Variants in RUFY3 observed in about 807,000 individuals in gnomAD.
The protein encoded by RUFY3 is RUN and FYVE domain containing 3, also known as protein RUFY3.
Under a neutral mutation model 84.0 loss-of-function variants are expected in RUFY3, and 34 were observed. The observed-to-expected ratio is 0.40, with a 90% CI of 0.31 to 0.54. The LOEUF (loss-of-function observed/expected upper bound fraction) is 0.54. RUFY3 is among the 20% of genes least tolerant of loss of function. The probability of loss-of-function intolerance (pLI) is 0.39; values close to 1 mark genes in which losing one functional copy is unlikely to be tolerated. For synonymous variants in RUFY3, 242 were observed against 252.9 expected (o/e 0.96, Z 0.41); for missense variants, 507 against 736.8 (o/e 0.69, Z 3.61).
At position 70,722,191 on chromosome 4, in the gene RUFY3, G is replaced by A. The variant is rs924448215; in HGVS notation, c.-383G>A. 3.3e-6 allele frequency: 4 copies of A among 1,229,858 alleles called. No homozygotes were observed. Among genetic ancestry groups the A allele is most frequent in the Non-Finnish European group, 4.1e-6 (4 of 987,382 alleles). The allele number at this position is 1,229,858 out of a possible 1,614,324, so 76.2% of individuals were successfully genotyped here. ...GGATTTTTCACTTACTCATATCGAG[G>A]CCAGATTTTTAAAGCCAGCTAAGGC... On this transcript the variant is annotated 5_prime_UTR_variant, in exon 1 of 18. Coordinates refer to ENST00000381006, the MANE Select transcript of RUFY3 (RefSeq NM_001037442.4).
chr4:70,721,293 CAAAA>C, upstream of RUFY3, among the ~76,000 whole-genome samples: 1 of 141,394 alleles, frequency 7.1e-6, no homozygotes, highest in African/African-American at 2.6e-5. Context: ...GACTCTGTCT[CAAAA>C]AAGAAAAAAG....
intron 14 of RUFY3, among the ~76,000 whole-genome samples, chr4:70,796,458 G>T (rs1416906982): frequency 6.6e-6 from 1 of 152,084 alleles, no homozygotes; most frequent in Non-Finnish European, 1.5e-5. Context: ...AATGCTTCAG[G>T]TTCTTGATCC....
intron 1 of RUFY3, among the ~76,000 whole-genome samples, chr4:70,727,836 T>C (rs970104231): frequency 6.6e-6 from 1 of 151,974 alleles, no homozygotes; most frequent in South Asian, 2.1e-4. Context: ...ATACATGTTA[T>C]GTATACGCAT....
intron 14 of RUFY3, among the ~76,000 whole-genome samples, chr4:70,795,243 A>T (rs1166070016): frequency 3.3e-5 from 5 of 152,178 alleles, no homozygotes; most frequent in Non-Finnish European, 5.9e-5. Flanking sequence ...TAGTATAATA[A>T]TCCCTCTCCA....
intron 10 of RUFY3, 140 bp downstream of exon 10, chr4:70,785,019 T>G: frequency 2.0e-6 from 1 of 507,374 alleles, no homozygotes; most frequent in Non-Finnish European, 3.5e-6. Context: ...GGTTCATCTC[T>G]TTTTAACCCA....
rs748246737 is a variant in RUFY3, at chr4:70,793,890, G to T, written c.1443G>T (p.Glu481Asp). 9.3e-6 allele frequency: 15 copies of T among 1,613,988 alleles called. No individual in the cohort carries two copies. The highest frequency in any genetic ancestry group is 1.2e-5 in the Non-Finnish European group (14 of 1,179,976). ...ACAGTCTGCAGCTGGAAGTCGAGGA[G>T]CTCACCAGGCAGCGGTGAAGAGGGG... The part of the protein sequence containing the change: ...KINSLQLEVE[E>D]LTRQRNQLEL... Residue 481 changes from glutamate (E) to aspartate (D), a missense_variant, in exon 13 of 18, where the codon GAG becomes GAT. Glu to Asp is a conservative substitution (Grantham distance 45). Around this residue, in one of 4 missense-constraint regions of RUFY3, gnomAD observed 334 missense variants for 364.1 expected, o/e 0.92. Coordinates refer to ENST00000381006, the MANE Select transcript of RUFY3 (RefSeq NM_001037442.4).
chr4:70,774,644 A>AAAATATATAT (rs1553916771), intron 6 of RUFY3, among the ~76,000 whole-genome samples: 18 of 56,672 alleles, frequency 3.2e-4, no homozygotes, highest in African/African-American at 1.5e-3. Context: ...AAAAAAAAAA[A>AAAATATATAT]ATATATATAT....
Position 70,768,531 on chromosome 4 carries a change from C to T in RUFY3, c.573-7C>T, listed in dbSNP as rs1193412599. On this transcript the variant is annotated splice_region_variant and splice_polypyrimidine_tract_variant and intron_variant, in intron 4 of 17. Coordinates refer to ENST00000381006, the MANE Select transcript of RUFY3 (RefSeq NM_001037442.4). ...ACAATAAGGAATTCTGTGGATTTCT[C>T]TTACAGTGAATTCTACGAACCCAAT... 6.2e-7 allele frequency: 1 copy of T among 1,610,506 alleles called. No homozygotes were observed. The highest frequency in any genetic ancestry group is 1.7e-5 in the Admixed American group (1 of 58,862).
At chr4:70,780,129 G>C (rs1458007979) in intron 8 of RUFY3, among the ~76,000 whole-genome samples, 1 of 151,884 alleles carries the variant, frequency 6.6e-6, no homozygotes, top group South Asian at 2.1e-4. Flanking sequence ...TATCACATAG[G>C]CTTTTGGAAT....
chr4:70,769,163 AT>A (rs1726501756), intron 5 of RUFY3, among the ~76,000 whole-genome samples: 1 of 152,192 alleles, frequency 6.6e-6, no homozygotes, highest in South Asian at 2.1e-4. Flanking sequence ...CCTGGGCAAC[AT>A]AGTGAGACCC....
intron 8 of RUFY3, among the ~76,000 whole-genome samples, chr4:70,778,683 G>A (rs570887318): frequency 1.3e-5 from 2 of 149,016 alleles, no homozygotes; most frequent in African/African-American, 2.5e-5. Flanking sequence ...AAGTTCAAGC[G>A]ATGCTCCTGC....
At chr4:70,797,388 T>C (rs1039603584) in intron 14 of RUFY3, among the ~76,000 whole-genome samples, 7 of 152,218 alleles carry the variant, frequency 4.6e-5, no homozygotes, top group African/African-American at 1.4e-4. Context: ...ATACGCGTTT[T>C]CCATGAACTT....
At chr4:70,777,802 CTGTTAT>C (rs1015887288) in intron 7 of RUFY3, among the ~76,000 whole-genome samples, 7 of 152,174 alleles carry the variant, frequency 4.6e-5, no homozygotes, top group African/African-American at 1.4e-4. Flanking sequence ...TTCATATAGA[CTGTTAT>C]TATCATATGT....
intron 3 of RUFY3, 98 bp downstream of exon 3, chr4:70,763,767 T>G: frequency 7.1e-7 from 1 of 1,415,388 alleles, no homozygotes; most frequent in Non-Finnish European, 9.5e-7. Context: ...AATAATTTAT[T>G]TTATAACAAT....
intron 1 of RUFY3, among the ~76,000 whole-genome samples, chr4:70,754,600 G>A (rs532992279): frequency 6.6e-6 from 1 of 151,584 alleles, no homozygotes; most frequent in Non-Finnish European, 1.5e-5. Flanking sequence ...GTGTCATCAG[G>A]CTAACTAAAT....
At chr4:70,705,107 C>G (rs1433171236) in exon 1 of RUFY3, 3 of 1,421,992 alleles carry the variant, frequency 2.1e-6, no homozygotes, top group Non-Finnish European at 2.8e-6. Context: ...AGTCGGAGCC[C>G]GACTCGCCGG....
rs142550250 is a variant in RUFY3 at position 70,807,565 on chromosome 4, A to G, written c.*906A>G. ...AGACAGGGTCTTGCTCTGTTGCACA[A>G]GCTGGAGGGCAGTAGTGCAATCACA... On this transcript the variant is annotated 3_prime_UTR_variant, in exon 18 of 18. Coordinates refer to ENST00000381006, the MANE Select transcript of RUFY3 (RefSeq NM_001037442.4). Among the ~76,000 whole-genome samples the G allele has an allele frequency of 1.5e-3, 227 of 152,190 alleles. No individual in the cohort carries two copies. The highest frequency in any genetic ancestry group is 5.1e-3 in the African/African-American group (212 of 41,520).
At chr4:70,781,706 C>A (rs1338135663) in intron 8 of RUFY3, among the ~76,000 whole-genome samples, 1 of 152,160 alleles carries the variant, frequency 6.6e-6, no homozygotes. Flanking sequence ...AATTGGACTT[C>A]CAGGCCTGCC....
chr4:70,797,707 G>A (rs1378347830), intron 14 of RUFY3, among the ~76,000 whole-genome samples: 4 of 152,016 alleles, frequency 2.6e-5, no homozygotes, highest in East Asian at 1.9e-4. Flanking sequence ...GCCGGGCATG[G>A]TGGTAGTCTC....
Sources: allele counts gnomAD v4.1 joint callset (sites outside exome capture counted in the v4.1 genomes callset), GRCh38; gene constraint gnomAD v4.1.1; regional missense constraint gnomAD v4.1.1; transcripts MANE v1.5; gene names NCBI Gene and HGNC (gene_info 2026-07-23, HGNC 2026-07-21).